The following PRKCH variants were observed in gnomAD, a reference collection of about 807,000 sequenced individuals.
The protein encoded by PRKCH is protein kinase C eta.
In PRKCH, 28 loss-of-function variants were observed where a neutral mutation model predicts 82.5. The observed-to-expected ratio is 0.34, with a 90% confidence interval of 0.25 to 0.47. The LOEUF (loss-of-function observed/expected upper bound fraction) is 0.47, where lower values mean the gene tolerates loss of function less well. Ranked by LOEUF, PRKCH falls within the 20% of genes least tolerant of loss-of-function variation. The pLI is 1.00. For missense variants in PRKCH, 705 were observed against 881.8 expected, an observed-to-expected ratio of 0.80 and a Z score of 2.54; for synonymous variants, 322 against 327.4, an observed-to-expected ratio of 0.98 and a Z score of 0.18.
intron 1 of PRKCH, among the ~76,000 whole-genome samples, chr14:61,315,079 A>G (rs915146914): frequency 2.6e-5 from 4 of 152,180 alleles, no homozygotes; most frequent in Non-Finnish European, 5.9e-5. Flanking sequence ...TATCTTTGAA[A>G]TATCTTACAT....
intron 10 of PRKCH, among the ~76,000 whole-genome samples, chr14:61,507,632 G>A (rs536951368): frequency 6.6e-6 from 1 of 152,166 alleles, no homozygotes; most frequent in African/African-American, 2.4e-5. Context: ...AGTGTGGATG[G>A]GCCTGGAGGA....
intron 9 of PRKCH, among the ~76,000 whole-genome samples, chr14:61,458,494 G>A (rs1884881563): frequency 6.6e-6 from 1 of 152,194 alleles, no homozygotes; most frequent in African/African-American, 2.4e-5. Flanking sequence ...GAAAGCATAA[G>A]GGCAGGGGCT....
chr14:61,189,243 T>C (rs931881752), intron 1 of PRKCH, among the ~76,000 whole-genome samples: 10 of 152,174 alleles, frequency 6.6e-5, no homozygotes, highest in African/African-American at 2.4e-4. Context: ...AGCTTGCCGA[T>C]CTCCCAGCCC....
intron 1 of PRKCH, among the ~76,000 whole-genome samples, chr14:61,220,971 G>A (rs1470625750): frequency 2.6e-5 from 4 of 152,182 alleles, no homozygotes; most frequent in African/African-American, 9.7e-5. Context: ...TCACTGTAGG[G>A]ATTTGAATCT....
At chr14:61,268,677 A>T (rs551657530) in intron 1 of PRKCH, among the ~76,000 whole-genome samples, 10 of 152,214 alleles carry the variant, frequency 6.6e-5, no homozygotes, top group East Asian at 1.9e-4. Context: ...CCTGCCAAAA[A>T]ATATATATAT....
chr14:61,453,304 A>G lies in PRKCH; in HGVS notation c.911A>G (p.Lys304Arg), dbSNP rs979870551. The change falls in exon 7 of 14, where the codon AAG becomes AGG. Residue 304 changes from lysine (K) to arginine (R), a missense_variant. By Grantham distance (26) the Lys-to-Arg change is conservative. Transcript: ENST00000332981. ...NCGVNAVELA[K>R]TLAGMGLQPG... ...GGGGTAAATGCGGTGGAACTTGCCA[A>G]GACCCTGGCAGGGATGGGTCTCCAA... 1 of 1,614,156 alleles carries G rather than the reference A, an allele frequency of 6.2e-7. No individual in the cohort carries two copies. Among genetic ancestry groups the G allele is most frequent in the African/African-American group, 1.3e-5 (1 of 75,046 alleles).
At chr14:61,248,822 A>G (rs2044912408) in intron 1 of PRKCH, among the ~76,000 whole-genome samples, 1 of 151,942 alleles carries the variant, frequency 6.6e-6, no homozygotes, top group Non-Finnish European at 1.5e-5. Context: ...ATGTATTTAG[A>G]GACAGCATCC....
At chr14:61,374,617 G>A (rs190047759) in intron 1 of PRKCH, among the ~76,000 whole-genome samples, 1 of 152,052 alleles carries the variant, frequency 6.6e-6, no homozygotes, top group Non-Finnish European at 1.5e-5. Flanking sequence ...AAGGCTTGAG[G>A]CTTGCACCCT....
At chr14:61,450,631 C>T (rs1326480874) in intron 5 of PRKCH, among the ~76,000 whole-genome samples, 1 of 152,098 alleles carries the variant, frequency 6.6e-6, no homozygotes, top group Non-Finnish European at 1.5e-5. Flanking sequence ...TAATGTGTTT[C>T]CCACATTTCT....
intron 9 of PRKCH, among the ~76,000 whole-genome samples, chr14:61,467,616 A>C (rs1194830662): frequency 2.6e-5 from 4 of 152,260 alleles, no homozygotes; most frequent in African/African-American, 9.6e-5. Flanking sequence ...GTATAGCCGA[A>C]AGGCTGGGAG....
intron 1 of PRKCH, among the ~76,000 whole-genome samples, chr14:61,352,734 G>GAAAC (rs1221609125): frequency 6.7e-6 from 1 of 148,288 alleles, no homozygotes. Flanking sequence ...AAGAAAGAAA[G>GAAAC]AAAGAAAGAT....
At chr14:61,385,565 G>A (rs2046575382) in intron 1 of PRKCH, among the ~76,000 whole-genome samples, 1 of 152,252 alleles carries the variant, frequency 6.6e-6, no homozygotes, top group East Asian at 1.9e-4. Context: ...CACTGTCACT[G>A]TCAAGATCAA....
At chr14:61,305,564 A>G (rs1318085517) in intron 1 of PRKCH, 1 of 152,112 alleles carries the variant, frequency 6.6e-6, no homozygotes, top group East Asian at 1.9e-4. Context: ...CTGTTATTAA[A>G]TTATATAATT....
At chr14:61,432,668 AAG>A (rs1883464113) in intron 2 of PRKCH, among the ~76,000 whole-genome samples, 1 of 152,142 alleles carries the variant, frequency 6.6e-6, no homozygotes, top group East Asian at 1.9e-4. Context: ...ATGGACTCTT[AAG>A]AGCTAGAAGG....
intron 9 of PRKCH, among the ~76,000 whole-genome samples, chr14:61,480,922 T>TCAGTCCC (rs1885942350): frequency 1.3e-5 from 2 of 152,124 alleles, no homozygotes; most frequent in South Asian, 4.1e-4. Flanking sequence ...ACCTCCCACC[T>TCAGTCCC]CAGTCCCCAC....
chr14:61,395,062 A>G (rs960333497), intron 2 of PRKCH, among the ~76,000 whole-genome samples: 16 of 152,202 alleles, frequency 1.1e-4, no homozygotes, highest in Admixed American at 2.6e-4. Context: ...CATGAGAAAT[A>G]GACTTTTAAT....
intron 12 of PRKCH, among the ~76,000 whole-genome samples, chr14:61,542,292 C>CA (rs368475596): frequency 1.9e-4 from 27 of 144,926 alleles, no homozygotes; most frequent in East Asian, 4.1e-4. Flanking sequence ...GACTCCATAT[C>CA]AAAAAAAAAC....
At chr14:61,255,278 T>G (rs1288039064) in intron 1 of PRKCH, among the ~76,000 whole-genome samples, 1 of 152,214 alleles carries the variant, frequency 6.6e-6, no homozygotes, top group Non-Finnish European at 1.5e-5. Context: ...GTTATTTATA[T>G]GTCATGTAAA....
intron 1 of PRKCH, among the ~76,000 whole-genome samples, chr14:61,262,081 C>T (rs866673862): frequency 6.6e-6 from 1 of 151,652 alleles, no homozygotes; most frequent in African/African-American, 2.4e-5. Flanking sequence ...ATTAGCTGGG[C>T]GTAGTGGTGG....
Sources: allele counts gnomAD v4.1 joint callset (sites outside exome capture counted in the v4.1 genomes callset), GRCh38; gene constraint gnomAD v4.1.1; transcripts MANE v1.5; gene names NCBI Gene and HGNC (gene_info 2026-07-23, HGNC 2026-07-21).